Variants in PDE11A observed in about 807,000 individuals in gnomAD.
The protein encoded by PDE11A is dual 3',5'-cyclic-AMP and -GMP phosphodiesterase 11A.
A neutral mutation model predicts 100.5 loss-of-function variants in PDE11A; 100 were observed. The ratio of observed to expected loss-of-function variants is 1.00; its 90% CI spans 0.85 to 1.18. The LOEUF (loss-of-function observed/expected upper bound fraction) is 1.18, where lower values mean the gene tolerates loss of function less well. Ranked by LOEUF, PDE11A falls within the 50% of genes most tolerant of loss-of-function variation. The pLI is 0.00. For synonymous variants in PDE11A, 381 were observed against 420.8 expected (o/e 0.91, Z 1.16); for missense variants, 1,141 against 1,152.6 (o/e 0.99, Z 0.15).
rs139687142 is a variant in PDE11A at position 177,765,349 on chromosome 2, G to A, written c.1788+3974C>T. ...CTTATGTGAAATCAATCTTCCTTTAGGCCCCACAATCTCTGAGTACAAATG... is the reference window on the plus strand; with the variant it reads ...CTTATGTGAAATCAATCTTCCTTTAAGCCCCACAATCTCTGAGTACAAATG... On this transcript the variant is annotated intron_variant, in intron 10 of 19. Transcript: ENST00000286063. Among the ~76,000 whole-genome samples the A allele has an allele frequency of 2.1e-3, 315 of 152,304 alleles. 1 individual carries two copies. Among genetic ancestry groups the A allele is most frequent in the Middle Eastern group, 0.01 (3 of 294 alleles).
chr2:177,705,307 A>G (rs1198322562), intron 13 of PDE11A, among the ~76,000 whole-genome samples: 3 of 152,226 alleles, frequency 2.0e-5, no homozygotes, highest in South Asian at 4.1e-4. Context: ...TGTTTGTGCT[A>G]AGTATATCCA....
At chr2:177,998,571 T>A (rs1574332430) in intron 2 of PDE11A, 8 of 1,300,736 alleles carry the variant, frequency 6.2e-6, no homozygotes, top group South Asian at 2.4e-5. Context: ...GAGGTCTAAC[T>A]GTGCATTGAT....
chr2:177,968,232 T>G (rs968498430), intron 2 of PDE11A, among the ~76,000 whole-genome samples: 1 of 152,222 alleles, frequency 6.6e-6, no homozygotes, highest in Non-Finnish European at 1.5e-5. Flanking sequence ...TGTAAGATAT[T>G]CTTTTTTCTC....
chr2:177,871,234 A>G (rs915838492), intron 5 of PDE11A, among the ~76,000 whole-genome samples: 1 of 152,094 alleles, frequency 6.6e-6, no homozygotes, highest in Non-Finnish European at 1.5e-5. Flanking sequence ...AAAATGGGGT[A>G]CACTCGGGGT....
chr2:178,102,821 T>G (rs2087575975), intron 2 of PDE11A, among the ~76,000 whole-genome samples: 3 of 152,152 alleles, frequency 2.0e-5, no homozygotes, highest in African/African-American at 7.2e-5. Context: ...ACTCAGAATA[T>G]GAGTTTGTCT....
intron 2 of PDE11A, among the ~76,000 whole-genome samples, chr2:177,924,665 C>A (rs1052204607): frequency 1.3e-5 from 2 of 152,062 alleles, no homozygotes; most frequent in African/African-American, 4.8e-5. Context: ...TACACACATA[C>A]ACACAAATAT....
chr2:178,062,996 A>G (rs144025014), intron 1 of PDE11A, among the ~76,000 whole-genome samples: 1 of 152,362 alleles, frequency 6.6e-6, no homozygotes, highest in East Asian at 1.9e-4. Context: ...GCCAGCTGCT[A>G]GAATTGATTT....
chr2:177,676,424 G>T (rs890358364), intron 16 of PDE11A, among the ~76,000 whole-genome samples: 3 of 152,214 alleles, frequency 2.0e-5, no homozygotes, highest in South Asian at 2.1e-4. Context: ...GCAACCAAAG[G>T]TCAGAGGGCT....
intron 6 of PDE11A, among the ~76,000 whole-genome samples, chr2:177,829,371 A>G (rs940958716): frequency 9.9e-5 from 15 of 152,146 alleles, no homozygotes; most frequent in African/African-American, 3.6e-4. Flanking sequence ...TTAAAATATC[A>G]GGATATATAG....
intron 2 of PDE11A, among the ~76,000 whole-genome samples, chr2:178,083,310 G>T (rs979242557): frequency 1.1e-4 from 16 of 151,974 alleles, no homozygotes; most frequent in African/African-American, 3.9e-4. Flanking sequence ...TGTTGGTCAG[G>T]CTGGTCTTGG....
intron 12 of PDE11A, among the ~76,000 whole-genome samples, chr2:177,721,803 C>A (rs1348907176): frequency 6.6e-6 from 1 of 152,122 alleles, no homozygotes; most frequent in African/African-American, 2.4e-5. Flanking sequence ...CTCAAAGTGC[C>A]ACAGAGCCCA....
At chr2:177,920,142 C>T (rs1027645597) in intron 2 of PDE11A, among the ~76,000 whole-genome samples, 2 of 151,998 alleles carry the variant, frequency 1.3e-5, no homozygotes, top group African/African-American at 4.8e-5. Context: ...TAAACATTTA[C>T]ATAGTTCTTC....
intron 2 of PDE11A, among the ~76,000 whole-genome samples, chr2:177,930,279 AC>A (rs1377382511): frequency 2.6e-5 from 4 of 152,218 alleles, no homozygotes; most frequent in Non-Finnish European, 5.9e-5. Context: ...TAGGAGACAG[AC>A]TGTGCATGCT....
At chr2:177,934,620 C>G (rs532141332) in intron 2 of PDE11A, among the ~76,000 whole-genome samples, 8 of 152,318 alleles carry the variant, frequency 5.3e-5, no homozygotes, top group Non-Finnish European at 8.8e-5. Context: ...TTCAACCCAG[C>G]AATCCCATTA....
chr2:177,927,406 G>T (rs750201639), intron 2 of PDE11A, among the ~76,000 whole-genome samples: 1 of 152,142 alleles, frequency 6.6e-6, no homozygotes, highest in Non-Finnish European at 1.5e-5. Flanking sequence ...TTTGTTCTAT[G>T]GAAATGTGAA....
intron 10 of PDE11A, among the ~76,000 whole-genome samples, chr2:177,738,357 C>T (rs1476819751): frequency 6.6e-6 from 1 of 152,006 alleles, no homozygotes. Flanking sequence ...CCTGTAGTGT[C>T]CTTCTTTCTA....
chr2:177,957,910 C>CTTTTTTT (rs748839068), intron 2 of PDE11A, among the ~76,000 whole-genome samples: 4 of 114,456 alleles, frequency 3.5e-5, no homozygotes, highest in Admixed American at 8.4e-5. Flanking sequence ...TTTCCAATGC[C>CTTTTTTT]TTTTTTTTGA....
At position 178,003,657 on chromosome 2, in the gene PDE11A, A is replaced by G. The variant is rs1982132; in HGVS notation, c.1071+10645T>C. On this transcript the variant is annotated intron_variant, in intron 2 of 19. Coordinates refer to ENST00000286063, the MANE Select transcript of PDE11A (RefSeq NM_016953.4). The stretch of plus-strand genomic sequence containing the variant: ...AAATGTTCTAAAATTGAGTGTGGTG[A>G]TGGTTTACACAACTCTGCAAATATA... 5.5e-3 allele frequency among the ~76,000 whole-genome samples: 833 copies of G among 152,212 alleles called. 8 individuals carry two copies. Among genetic ancestry groups the G allele is most frequent in the Non-Finnish European group, 9.4e-3 (636 of 67,986 alleles).
At chr2:178,069,573 C>G (rs1444140097) in intron 1 of PDE11A, among the ~76,000 whole-genome samples, 1 of 150,888 alleles carries the variant, frequency 6.6e-6, no homozygotes, top group Non-Finnish European at 1.5e-5. Flanking sequence ...CATTACTACT[C>G]TGGGGGGAAA....
Sources: allele counts gnomAD v4.1 joint callset (sites outside exome capture counted in the v4.1 genomes callset), GRCh38; gene constraint gnomAD v4.1.1; transcripts MANE v1.5; gene names NCBI Gene and HGNC (gene_info 2026-07-23, HGNC 2026-07-21).